Variants in DNM3 observed in about 807,000 individuals in gnomAD.
DNM3 encodes the protein dynamin-3.
A neutral mutation model predicts 101.6 loss-of-function variants in DNM3; 47 were observed. The observed-to-expected ratio is 0.46, with a 90% CI of 0.37 to 0.59. The LOEUF is 0.59. DNM3 is among the 20% of genes least tolerant of loss of function. The probability of loss-of-function intolerance (pLI) is 0.00; values close to 1 mark genes in which losing one functional copy is unlikely to be tolerated. For synonymous variants in DNM3, 385 were observed against 387.9 expected, an observed-to-expected ratio of 0.99 and a Z score of 0.09; for missense variants, 849 against 1,085.7, an observed-to-expected ratio of 0.78 and a Z score of 3.06.
intron 13 of DNM3, among the ~76,000 whole-genome samples, chr1:172,094,626 A>C (rs879902221): frequency 4.5e-4 from 68 of 152,352 alleles, no homozygotes; most frequent in African/African-American, 1.6e-3. Flanking sequence ...AATGATATAC[A>C]TAATGAGGTT....
intron 13 of DNM3, among the ~76,000 whole-genome samples, chr1:172,094,915 T>A (rs1032620855): frequency 1.3e-5 from 2 of 152,198 alleles, no homozygotes; most frequent in African/African-American, 4.8e-5. Flanking sequence ...AGTATGTACA[T>A]GTAGGAAAAT....
At position 172,411,539 on chromosome 1, in the gene DNM3, A is replaced by C. The variant is rs756344828; in HGVS notation, c.*3698A>C. 1 of 114,368 alleles carries C rather than the reference A, an allele frequency of 8.7e-6. No individual in the cohort carries two copies. The highest frequency in any genetic ancestry group is 1.6e-5 in the Non-Finnish European group (1 of 61,590). 7.1% of individuals were successfully genotyped at this position (114,368 alleles called of 1,614,324 possible). A position where few individuals can be genotyped will look rare whatever the true frequency, so the allele number is the denominator to read the frequency against. On this transcript the variant is annotated 3_prime_UTR_variant, in exon 21 of 21. Coordinates refer to ENST00000627582, the MANE Select transcript of DNM3 (RefSeq NM_015569.5). ...GTCATTTTTCCTCTATGGTAGAAGT[A>C]AAAAAAAAAAAAAAGGACATAGCAA...
chr1:171,906,230 C>T (rs1022635558), intron 1 of DNM3, among the ~76,000 whole-genome samples: 2 of 150,752 alleles, frequency 1.3e-5, no homozygotes, highest in African/African-American at 2.4e-5. Flanking sequence ...TGGGCTCAAG[C>T]GATTCTCCCA....
chr1:172,088,544 A>T (rs991746986), intron 12 of DNM3, among the ~76,000 whole-genome samples: 1 of 152,060 alleles, frequency 6.6e-6, no homozygotes, highest in Non-Finnish European at 1.5e-5. Context: ...ATTATACTAG[A>T]TGGCTTTTAA....
chr1:172,269,290 C>T (rs925131416), intron 15 of DNM3, among the ~76,000 whole-genome samples: 1 of 152,200 alleles, frequency 6.6e-6, no homozygotes. Context: ...ACACATTGCC[C>T]TCTCTCCACC....
At chr1:172,174,439 A>G (rs966512965) in intron 14 of DNM3, among the ~76,000 whole-genome samples, 2 of 151,680 alleles carry the variant, frequency 1.3e-5, no homozygotes, top group Middle Eastern at 3.2e-3. Context: ...ATTTCAGACC[A>G]AAAAACACTT....
chr1:171,922,975 C>G (rs1224402822), intron 2 of DNM3, among the ~76,000 whole-genome samples: 1 of 152,160 alleles, frequency 6.6e-6, no homozygotes, highest in Non-Finnish European at 1.5e-5. Flanking sequence ...GTTGTTTCCA[C>G]CCTTTGGTTA....
At chr1:172,138,631 A>G in intron 14 of DNM3, 1 of 216,724 alleles carries the variant, frequency 4.6e-6, no homozygotes, top group Non-Finnish European at 9.6e-6. Context: ...CACTCACTTT[A>G]CTTTTGGTGG....
At chr1:171,959,735 G>A (rs1337944290) in intron 2 of DNM3, among the ~76,000 whole-genome samples, 2 of 152,116 alleles carry the variant, frequency 1.3e-5, no homozygotes, top group Admixed American at 6.6e-5. Flanking sequence ...CATCAGGGAG[G>A]AAGCCAAGGA....
intron 20 of DNM3, chr1:172,393,166 T>C (rs2069675763): frequency 6.6e-6 from 1 of 152,242 alleles, no homozygotes; most frequent in African/African-American, 2.4e-5. Flanking sequence ...TCCTTCTACA[T>C]AGGCAATCAA....
chr1:172,351,171 C>G (rs913837780), intron 17 of DNM3, among the ~76,000 whole-genome samples: 4 of 152,120 alleles, frequency 2.6e-5, no homozygotes, highest in Non-Finnish European at 5.9e-5. Flanking sequence ...GTTTCTGAGA[C>G]TTCCCATGGC....
chr1:172,209,836 T>C (rs1160122136), intron 14 of DNM3, among the ~76,000 whole-genome samples: 1 of 152,138 alleles, frequency 6.6e-6, no homozygotes, highest in Non-Finnish European at 1.5e-5. Flanking sequence ...AATAGCTAAG[T>C]AGATTTGTAA....
chr1:172,133,110 G>A (rs897154813), intron 14 of DNM3: 1 of 1,416,288 alleles, frequency 7.1e-7, no homozygotes, highest in African/African-American at 1.4e-5. Context: ...CATGTTCCTG[G>A]GTGTTAGCAG....
intron 13 of DNM3, 68 bp downstream of exon 13, chr1:172,092,943 CTA>C: frequency 2.9e-6 from 4 of 1,397,176 alleles, no homozygotes; most frequent in East Asian, 2.6e-5. Context: ...GCTTGATTGA[CTA>C]TTTTTTTAAT....
chr1:172,006,804 G>T (rs537327141), intron 4 of DNM3, among the ~76,000 whole-genome samples: 3 of 152,036 alleles, frequency 2.0e-5, no homozygotes, highest in Admixed American at 6.6e-5. Context: ...TTGCCAGTCA[G>T]TGTCTATTCT....
intron 1 of DNM3, among the ~76,000 whole-genome samples, chr1:171,897,911 T>C (rs2037952051): frequency 6.9e-6 from 1 of 144,568 alleles, no homozygotes; most frequent in African/African-American, 2.4e-5. Flanking sequence ...AGTTTCTAGG[T>C]CTGCGGTTCA....
At chr1:171,993,178 A>C (rs1490975067) in intron 4 of DNM3, among the ~76,000 whole-genome samples, 1 of 152,104 alleles carries the variant, frequency 6.6e-6, no homozygotes, top group Non-Finnish European at 1.5e-5. Flanking sequence ...TATGTAGTTA[A>C]CTTTACTGGT....
rs1558471682 is a variant in DNM3, at chr1:172,042,043, A to G, written c.1027A>G (p.Arg343Gly). 1 of 1,599,826 alleles carries G rather than the reference A, an allele frequency of 6.3e-7. No individual in the cohort carries two copies. Among genetic ancestry groups the G allele is most frequent in the Non-Finnish European group, 8.5e-7 (1 of 1,176,276 alleles). Reference sequence around the variant, plus strand: ...GCAATTTGCTGTGGACTTTGAGAAGAGAATTGAAGGGTCAGGGGATCAAGT... The same window carrying G: ...GCAATTTGCTGTGGACTTTGAGAAGGGAATTGAAGGGTCAGGGGATCAAGT... ...VQQFAVDFEKRIEGSGDQVDT... is the reference protein window; with the variant it reads ...VQQFAVDFEKGIEGSGDQVDT... Residue 343 changes from arginine to glycine, a missense_variant, in exon 8 of 21, where the codon AGA becomes GGA. This residue lies in a region of DNM3 where 388 missense variants were observed against 483.0 expected (regional missense o/e 0.80). Coordinates refer to ENST00000627582, the MANE Select transcript of DNM3 (RefSeq NM_015569.5).
intron 17 of DNM3, among the ~76,000 whole-genome samples, chr1:172,368,196 C>T (rs1365375893): frequency 1.3e-5 from 2 of 151,914 alleles, no homozygotes; most frequent in African/African-American, 2.4e-5. Context: ...GCACATGGAA[C>T]ATGCCCCCGG....
Sources: allele counts gnomAD v4.1 joint callset (sites outside exome capture counted in the v4.1 genomes callset), GRCh38; gene constraint gnomAD v4.1.1; regional missense constraint gnomAD v4.1.1; transcripts MANE v1.5; gene names NCBI Gene and HGNC (gene_info 2026-07-23, HGNC 2026-07-21).